TNR: variants seen among roughly 807,000 people sequenced by gnomAD.
The protein encoded by TNR is tenascin R.
Under a neutral mutation model 150.4 loss-of-function variants are expected in TNR, and 45 were observed. The observed-to-expected ratio is 0.30, with a 90% confidence interval of 0.24 to 0.38. The LOEUF (loss-of-function observed/expected upper bound fraction) is 0.38, where lower values mean the gene tolerates loss of function less well. Among genes scored for constraint, TNR ranks in the 10% least tolerant of loss-of-function variants. The pLI, the probability that TNR is intolerant of heterozygous loss-of-function variation, is 1.00. For missense variants in TNR, 1,544 were observed against 1,759.1 expected, an observed-to-expected ratio of 0.88 and a Z score of 2.19; for synonymous variants, 687 against 678.4, an observed-to-expected ratio of 1.01 and a Z score of -0.20.
intron 20 of TNR, chr1:175,333,215 T>C (rs1422732225): frequency 3.3e-5 from 5 of 152,258 alleles, no homozygotes. Context: ...TGGCACATGA[T>C]AACTAGCTTT....
At chr1:175,617,649 G>T (rs186903967) in intron 1 of TNR, among the ~76,000 whole-genome samples, 1 of 152,172 alleles carries the variant, frequency 6.6e-6, no homozygotes, top group Non-Finnish European at 1.5e-5. Flanking sequence ...CGAAATCTAA[G>T]ATCCTCAGTG....
At chr1:175,348,836 A>G (rs1223815805) in intron 18 of TNR, among the ~76,000 whole-genome samples, 1 of 152,246 alleles carries the variant, frequency 6.6e-6, no homozygotes, top group Middle Eastern at 3.2e-3. Context: ...CTTTTGGCTG[A>G]AAAGCAAAGA....
At chr1:175,527,917 A>G (rs1659909417) in intron 2 of TNR, among the ~76,000 whole-genome samples, 1 of 152,230 alleles carries the variant, frequency 6.6e-6, no homozygotes, top group Non-Finnish European at 1.5e-5. Context: ...TGAATAATTT[A>G]TCACTGATTC....
intron 1 of TNR, among the ~76,000 whole-genome samples, chr1:175,645,849 T>C (rs546179612): frequency 6.6e-6 from 1 of 152,364 alleles, no homozygotes; most frequent in South Asian, 2.1e-4. Context: ...GCTTTAATAC[T>C]GAATACTGTC....
intron 18 of TNR, among the ~76,000 whole-genome samples, chr1:175,353,277 T>C (rs2102004058): frequency 6.6e-6 from 1 of 152,328 alleles, no homozygotes; most frequent in South Asian, 2.1e-4. Flanking sequence ...TGGCCCAATT[T>C]CCTCATTTGT....
intron 12 of TNR, among the ~76,000 whole-genome samples, chr1:175,364,375 T>C (rs1242078284): frequency 1.3e-5 from 2 of 151,664 alleles, no homozygotes; most frequent in African/African-American, 4.8e-5. Flanking sequence ...ATCAGCTAAG[T>C]GTTTAATCTA....
In TNR at chr1:175,427,220, C is replaced by T. The variant is rs1159048304; in HGVS notation, c.-63-20443G>A. Among the ~76,000 whole-genome samples the T allele has an allele frequency of 2.0e-5, 3 of 151,424 alleles. No individual in the cohort carries two copies. The East Asian group carries it at 5.8e-4, about 29-fold the overall frequency. ...ACAACCCACAGCTCAAAAATCATTGCTCCAGAGCAGCACTGTCCAATGACT... is the reference window on the plus strand; with the variant it reads ...ACAACCCACAGCTCAAAAATCATTGTTCCAGAGCAGCACTGTCCAATGACT... On this transcript the variant is annotated intron_variant, in intron 2 of 22. Transcript: ENST00000367674.
rs925890742 is a variant in TNR at position 175,321,974 on chromosome 1, A to G, written c.*1383T>C. On this transcript the variant is annotated 3_prime_UTR_variant, in exon 23 of 23. Coordinates refer to ENST00000367674, the MANE Select transcript of TNR (RefSeq NM_003285.3). Reference sequence around the variant, plus strand: ...TCCTGACTCTTATTAAGCCACCTACACTAAGGAGGGCTTGGGTGAAGATAG... The same window carrying G: ...TCCTGACTCTTATTAAGCCACCTACGCTAAGGAGGGCTTGGGTGAAGATAG... 2.0e-5 allele frequency: 3 copies of G among 152,088 alleles called. No homozygotes were observed. The highest frequency in any genetic ancestry group is 4.4e-5 in the Non-Finnish European group (3 of 68,026). The allele number at this position is 152,088 out of a possible 1,614,324, so 9.4% of individuals were successfully genotyped here. A position where few individuals can be genotyped will look rare whatever the true frequency, so the allele number is the denominator to read the frequency against.
At chr1:175,404,927 C>A (rs1056813347) in intron 3 of TNR, among the ~76,000 whole-genome samples, 1 of 152,180 alleles carries the variant, frequency 6.6e-6, no homozygotes, top group Non-Finnish European at 1.5e-5. Flanking sequence ...GTGAAAGGAA[C>A]CCATGAAATA....
intron 1 of TNR, among the ~76,000 whole-genome samples, chr1:175,657,595 A>G: frequency 6.6e-6 from 1 of 151,934 alleles, no homozygotes; most frequent in Non-Finnish European, 1.5e-5. Context: ...CAGCCATAGA[A>G]AATGATGAGT....
intron 1 of TNR, among the ~76,000 whole-genome samples, chr1:175,555,455 T>A (rs1214544208): frequency 6.7e-6 from 1 of 149,896 alleles, no homozygotes. Flanking sequence ...GATGAATGTG[T>A]GGCTCGCCCA....
At chr1:175,522,410 G>A (rs1659672744) in intron 2 of TNR, among the ~76,000 whole-genome samples, 1 of 152,212 alleles carries the variant, frequency 6.6e-6, no homozygotes, top group Admixed American at 6.5e-5. Flanking sequence ...GCATGAAAGT[G>A]TAGGAAGGAG....
At chr1:175,700,903 A>G (rs1473118896) in intron 1 of TNR, among the ~76,000 whole-genome samples, 1 of 152,190 alleles carries the variant, frequency 6.6e-6, no homozygotes, top group African/African-American at 2.4e-5. Context: ...CCTCACTCAA[A>G]GCCTTCGTCC....
intron 4 of TNR, among the ~76,000 whole-genome samples, chr1:175,398,575 A>G (rs1653548672): frequency 6.6e-6 from 1 of 152,208 alleles, no homozygotes; most frequent in Admixed American, 6.5e-5. Flanking sequence ...GATTATACTG[A>G]GCACTTATTA....
intron 2 of TNR, among the ~76,000 whole-genome samples, chr1:175,419,944 T>A (rs1401356791): frequency 6.6e-6 from 1 of 152,182 alleles, no homozygotes; most frequent in Non-Finnish European, 1.5e-5. Flanking sequence ...GCAGGCTACC[T>A]TGCCCTGGAG....
chr1:175,440,072 A>G (rs1469030915), intron 2 of TNR, among the ~76,000 whole-genome samples: 1 of 152,192 alleles, frequency 6.6e-6, no homozygotes, highest in Non-Finnish European at 1.5e-5. Flanking sequence ...AGACACATGC[A>G]CAGGTATGTT....
At chr1:175,697,928 C>T in intron 1 of TNR, among the ~76,000 whole-genome samples, 1 of 152,206 alleles carries the variant, frequency 6.6e-6, no homozygotes, top group African/African-American at 2.4e-5. Context: ...TGGAAGGAGT[C>T]CTGACTTCAG....
chr1:175,371,078 A>ATT (rs1175140670), intron 9 of TNR, among the ~76,000 whole-genome samples: 1 of 151,586 alleles, frequency 6.6e-6, no homozygotes, highest in African/African-American at 2.4e-5. Context: ...GAAAAAAAAA[A>ATT]AAACCACATG....
intron 1 of TNR, among the ~76,000 whole-genome samples, chr1:175,633,396 A>C (rs1664394219): frequency 6.6e-6 from 1 of 152,202 alleles, no homozygotes; most frequent in Non-Finnish European, 1.5e-5. Flanking sequence ...GAAAGAAAAA[A>C]AAATAAAGAT....
Sources: allele counts gnomAD v4.1 joint callset (sites outside exome capture counted in the v4.1 genomes callset), GRCh38; gene constraint gnomAD v4.1.1; transcripts MANE v1.5; gene names NCBI Gene and HGNC (gene_info 2026-07-23, HGNC 2026-07-21).